SLC30A8: variants seen among roughly 807,000 people sequenced by gnomAD.
SLC30A8 encodes the protein proton-coupled zinc antiporter SLC30A8.
Under a neutral mutation model 36.9 loss-of-function variants are expected in SLC30A8, and 27 were observed. That is an observed-to-expected ratio of 0.73 (90% CI 0.54 to 1.01). The LOEUF is 1.01. SLC30A8 is among the 50% of genes least tolerant of loss of function. The pLI, the probability that SLC30A8 is intolerant of heterozygous loss-of-function variation, is 0.00. For missense variants in SLC30A8, 439 were observed against 452.0 expected (o/e 0.97, Z 0.26); for synonymous variants, 164 against 172.4 (o/e 0.95, Z 0.38).
At chr8:117,014,887 A>C (rs1053886809) in intron 1 of SLC30A8, among the ~76,000 whole-genome samples, 19 of 152,134 alleles carry the variant, frequency 1.2e-4, no homozygotes, top group Non-Finnish European at 2.6e-4. Context: ...ATGTCACATG[A>C]ATAAAACCTT....
intron 1 of SLC30A8, among the ~76,000 whole-genome samples, chr8:117,012,505 C>T (rs531407109): frequency 5.9e-5 from 9 of 151,818 alleles, no homozygotes; most frequent in African/African-American, 9.7e-5. Context: ...ATTTACATAG[C>T]GTTTACATTG....
chr8:117,052,051 C>T (rs1817727186), intron 2 of SLC30A8, among the ~76,000 whole-genome samples: 1 of 152,118 alleles, frequency 6.6e-6, no homozygotes, highest in African/African-American at 2.4e-5. Context: ...ACTCTTGTCA[C>T]CCAGGCTGGA....
chr8:117,167,479 G>A (rs1823115475), intron 6 of SLC30A8, among the ~76,000 whole-genome samples: 1 of 122,112 alleles, frequency 8.2e-6, no homozygotes, highest in Admixed American at 7.8e-5. Context: ...TTGTGCATTT[G>A]CATATATATA....
intron 2 of SLC30A8, among the ~76,000 whole-genome samples, chr8:117,069,548 G>C (rs1818267135): frequency 6.6e-6 from 1 of 152,178 alleles, no homozygotes; most frequent in African/African-American, 2.4e-5. Context: ...ACATTTGTGG[G>C]GTTCCAGAGA....
Position 117,138,330 on chromosome 8 carries a change from A to G in SLC30A8, c.71+2932A>G, listed in dbSNP as rs561004714. Among the ~76,000 whole-genome samples the G allele has an allele frequency of 4.6e-5, 7 of 152,144 alleles. No homozygotes were observed. In the East Asian group the frequency reaches 1.4e-3, roughly 30 times the overall value. On this transcript the variant is annotated intron_variant, in intron 1 of 7. Transcript: ENST00000456015. ...TGGAAGTTGTCTTAAGGGCATGCAG[A>G]AAATTAATAATTATTTATTCAAGAA...
intron 3 of SLC30A8, among the ~76,000 whole-genome samples, chr8:117,154,272 C>A (rs1255986932): frequency 6.6e-6 from 1 of 151,832 alleles, no homozygotes; most frequent in Non-Finnish European, 1.5e-5. Context: ...CCACACTCTG[C>A]AACTTCAATT....
At chr8:116,954,473 G>T (rs940960649) in intron 1 of SLC30A8, among the ~76,000 whole-genome samples, 3 of 152,152 alleles carry the variant, frequency 2.0e-5, no homozygotes, top group African/African-American at 7.2e-5. Flanking sequence ...CTATTAAAGA[G>T]AGAGAGAGTA....
At chr8:117,027,173 T>C (rs1322605784) in intron 1 of SLC30A8, among the ~76,000 whole-genome samples, 1 of 152,112 alleles carries the variant, frequency 6.6e-6, no homozygotes. Context: ...TGAAAGGGCA[T>C]GTGTTTGGCG....
chr8:117,075,364 A>T (rs1001953616), intron 2 of SLC30A8, among the ~76,000 whole-genome samples: 6 of 152,212 alleles, frequency 3.9e-5, no homozygotes, highest in Admixed American at 2.6e-4. Context: ...TTAACTTTTC[A>T]ATATACTTGA....
chr8:117,113,287 AGACT>A (rs1820308789), intron 2 of SLC30A8, among the ~76,000 whole-genome samples: 1 of 152,196 alleles, frequency 6.6e-6, no homozygotes, highest in Non-Finnish European at 1.5e-5. Flanking sequence ...GTGGTTTAGA[AGACT>A]GACTGATACT....
intron 1 of SLC30A8, among the ~76,000 whole-genome samples, chr8:116,998,697 A>G (rs1244840946): frequency 1.3e-5 from 2 of 152,206 alleles, no homozygotes; most frequent in African/African-American, 2.4e-5. Flanking sequence ...GTGTCCTTAT[A>G]AAAAGAGAAG....
chr8:117,041,775 A>G (rs13281298), intron 2 of SLC30A8, among the ~76,000 whole-genome samples: 51,067 of 152,040 alleles, frequency 0.34, 10,880 homozygotes, highest in African/African-American at 0.61. Flanking sequence ...TGACACATTG[A>G]TTGCTTTAGG....
chr8:117,105,165 G>A (rs906288568), intron 2 of SLC30A8, among the ~76,000 whole-genome samples: 5 of 152,136 alleles, frequency 3.3e-5, no homozygotes, highest in African/African-American at 1.2e-4. Context: ...TCCTGGGAAT[G>A]CAGCGCAGTA....
chr8:117,130,549 A>G (rs991206383), upstream of SLC30A8, among the ~76,000 whole-genome samples: 9 of 151,936 alleles, frequency 5.9e-5, no homozygotes, highest in African/African-American at 1.7e-4. Flanking sequence ...AAATTTGAGC[A>G]TTTAATGTTT....
chr8:116,996,190 C>T (rs1474581430), intron 1 of SLC30A8, among the ~76,000 whole-genome samples: 1 of 152,142 alleles, frequency 6.6e-6, no homozygotes, highest in Non-Finnish European at 1.5e-5. Flanking sequence ...TATTTTTAGT[C>T]TCACAAAATG....
chr8:117,047,285 G>A (rs1817582755), intron 2 of SLC30A8, among the ~76,000 whole-genome samples: 1 of 152,100 alleles, frequency 6.6e-6, no homozygotes, highest in African/African-American at 2.4e-5. Context: ...TCTTTGTTTT[G>A]TACATGAGGA....
intron 2 of SLC30A8, among the ~76,000 whole-genome samples, chr8:117,088,382 T>C (rs541180227): frequency 6.6e-6 from 1 of 152,296 alleles, no homozygotes; most frequent in African/African-American, 2.4e-5. Context: ...CCCTTATTCC[T>C]GGAGTCCAGT....
chr8:117,066,722 T>G (rs893270713), intron 2 of SLC30A8, among the ~76,000 whole-genome samples: 3 of 151,472 alleles, frequency 2.0e-5, no homozygotes, highest in African/African-American at 4.9e-5. Context: ...GATGTGTACT[T>G]TTTTTTTTCC....
intron 2 of SLC30A8, among the ~76,000 whole-genome samples, chr8:117,051,640 C>A (rs1391830205): frequency 6.6e-6 from 1 of 151,848 alleles, no homozygotes; most frequent in South Asian, 2.1e-4. Flanking sequence ...GGTGAAACCC[C>A]ATCTCTACTA....
Sources: allele counts gnomAD v4.1 joint callset (sites outside exome capture counted in the v4.1 genomes callset), GRCh38; gene constraint gnomAD v4.1.1; transcripts MANE v1.5; gene names NCBI Gene and HGNC (gene_info 2026-07-23, HGNC 2026-07-21).